Variants in SPIDR observed in about 807,000 individuals in gnomAD.
The protein encoded by SPIDR is scaffold protein involved in DNA repair.
In SPIDR, 93 loss-of-function variants were observed where a neutral mutation model predicts 104.6. The ratio of observed to expected loss-of-function variants is 0.89; its 90% CI spans 0.75 to 1.06. The LOEUF is 1.06. Ranked by LOEUF, SPIDR falls within the 50% of genes least tolerant of loss-of-function variation. SPIDR has a pLI of 0.00. For missense variants in SPIDR, 1,154 were observed against 1,111.2 expected (o/e 1.04, Z -0.55); for synonymous variants, 431 against 416.9 (o/e 1.03, Z -0.41).
chr8:47,372,087 A>G (rs184676528), intron 5 of SPIDR, among the ~76,000 whole-genome samples: 1 of 151,940 alleles, frequency 6.6e-6, no homozygotes, highest in African/African-American at 2.4e-5. Context: ...TTCCCCATCA[A>G]CTTCCATGCC....
chr8:47,383,797 A>G (rs1554646785), intron 5 of SPIDR, among the ~76,000 whole-genome samples: 1 of 152,146 alleles, frequency 6.6e-6, no homozygotes, highest in Non-Finnish European at 1.5e-5. Context: ...AAAACTATAT[A>G]TTTGTGTTTT....
rs564413944 is a variant in SPIDR at position 47,554,464 on chromosome 8, C to T, written c.1098-41347C>T. Among the ~76,000 whole-genome samples the T allele has an allele frequency of 2.6e-5, 4 of 152,332 alleles. No homozygotes were observed. In the South Asian group the frequency reaches 6.2e-4, roughly 24 times the overall value. ...CCTCAGCAATGGCAGACGTCCCTCC[C>T]CCAGCCTCGCTGTCGCCTTGCAGTT... On this transcript the variant is annotated intron_variant, in intron 8 of 19. Coordinates refer to ENST00000297423, the MANE Select transcript of SPIDR (RefSeq NM_001080394.4).
chr8:47,702,038 C>A, intron 14 of SPIDR, 23 bp downstream of exon 14: 2 of 1,583,866 alleles, frequency 1.3e-6, no homozygotes, highest in Non-Finnish European at 1.7e-6. Context: ...CTCAATCTCT[C>A]AATCTCTCAG....
At chr8:47,563,844 T>G (rs1044849073) in intron 8 of SPIDR, among the ~76,000 whole-genome samples, 3 of 152,162 alleles carry the variant, frequency 2.0e-5, no homozygotes, top group Admixed American at 1.3e-4. Context: ...TGAATAATTT[T>G]TTAGTTGCTC....
At chr8:47,473,401 AG>A (rs2154358707) in intron 8 of SPIDR, among the ~76,000 whole-genome samples, 1 of 152,310 alleles carries the variant, frequency 6.6e-6, no homozygotes, top group African/African-American at 2.4e-5. Context: ...TCAAAATGAT[AG>A]GGGCTTATTG....
chr8:47,511,677 G>A, intron 8 of SPIDR: 1 of 861,708 alleles, frequency 1.2e-6, no homozygotes, highest in Non-Finnish European at 2.0e-6. Context: ...CTGCCCCAAG[G>A]CCATAGCCAT....
At chr8:47,328,243 A>C (rs782484786) in intron 5 of SPIDR, among the ~76,000 whole-genome samples, 36 of 151,548 alleles carry the variant, frequency 2.4e-4, no homozygotes, top group Admixed American at 7.2e-4. Context: ...GTATGGTGTG[A>C]GGCAGGTGGT....
intron 7 of SPIDR, among the ~76,000 whole-genome samples, chr8:47,426,619 G>C (rs192103820): frequency 3.4e-4 from 52 of 152,256 alleles, no homozygotes; most frequent in African/African-American, 1.2e-3. Context: ...GTCTTAGTCT[G>C]TTTTGTTTTG....
intron 1 of SPIDR, among the ~76,000 whole-genome samples, chr8:47,262,104 A>G (rs2032565629): frequency 6.6e-6 from 1 of 151,978 alleles, no homozygotes; most frequent in African/African-American, 2.4e-5. Context: ...CATGTTCCAT[A>G]TTTGCTTTGG....
intron 6 of SPIDR, among the ~76,000 whole-genome samples, chr8:47,407,123 T>A (rs1294495069): frequency 6.6e-6 from 1 of 152,246 alleles, no homozygotes; most frequent in Admixed American, 6.5e-5. Flanking sequence ...CATACACCTA[T>A]ATATTTATAA....
intron 5 of SPIDR, among the ~76,000 whole-genome samples, chr8:47,323,169 AAAT>A (rs1453982613): frequency 2.6e-5 from 4 of 152,152 alleles, no homozygotes; most frequent in Admixed American, 2.6e-4. Context: ...TGTCATAGCT[AAAT>A]AATAACAATT....
intron 8 of SPIDR, among the ~76,000 whole-genome samples, chr8:47,509,398 G>A (rs556099624): frequency 1.3e-5 from 2 of 152,292 alleles, no homozygotes; most frequent in African/African-American, 4.8e-5. Flanking sequence ...TTCTACATCT[G>A]TATTTTATCA....
chr8:47,294,680 G>C (rs2040519494), intron 5 of SPIDR, among the ~76,000 whole-genome samples: 1 of 152,144 alleles, frequency 6.6e-6, no homozygotes, highest in Non-Finnish European at 1.5e-5. Context: ...ACCCAGGCTA[G>C]AACGCAATGG....
chr8:47,453,633 G>T (rs987777146), intron 8 of SPIDR, among the ~76,000 whole-genome samples: 1 of 152,144 alleles, frequency 6.6e-6, no homozygotes, highest in Non-Finnish European at 1.5e-5. Context: ...AATAAATGGT[G>T]CTGGAAAAAC....
At chr8:47,518,321 A>G (rs890883477) in intron 8 of SPIDR, among the ~76,000 whole-genome samples, 3 of 152,224 alleles carry the variant, frequency 2.0e-5, no homozygotes. Flanking sequence ...CTGCTGCTCC[A>G]TTTAATTGGC....
At chr8:47,503,774 G>A (rs896372544) in intron 8 of SPIDR, among the ~76,000 whole-genome samples, 12 of 152,044 alleles carry the variant, frequency 7.9e-5, no homozygotes, top group Admixed American at 2.6e-4. Flanking sequence ...GGCTGGTACC[G>A]GTTGTTCCTT....
chr8:47,551,695 A>G (rs1350628587), intron 8 of SPIDR, among the ~76,000 whole-genome samples: 1 of 151,870 alleles, frequency 6.6e-6, no homozygotes, highest in East Asian at 1.9e-4. Context: ...CGGTCTATCA[A>G]TTTTGTCGAT....
intron 8 of SPIDR, among the ~76,000 whole-genome samples, chr8:47,489,575 A>G (rs2154365905): frequency 6.6e-6 from 1 of 152,330 alleles, no homozygotes; most frequent in Admixed American, 6.5e-5. Flanking sequence ...CAAAGCTGGA[A>G]GCATCACACT....
chr8:47,678,176 A>T lies in SPIDR; in HGVS notation c.1685+4235A>T, dbSNP rs2076672040. Among the ~76,000 whole-genome samples, 3 of 152,240 alleles carry T rather than the reference A, an allele frequency of 2.0e-5. No individual in the cohort carries two copies. The South Asian group carries it at 6.2e-4, about 32-fold the overall frequency. On this transcript the variant is annotated intron_variant, in intron 11 of 19. Coordinates refer to ENST00000297423, the MANE Select transcript of SPIDR (RefSeq NM_001080394.4). ...ATTTGGGGGATTTATCACAAACCAG[A>T]ATATACTGAGGTATAAAGTCTGCTA...
Sources: gnomAD v4.1 joint callset for allele counts (sites outside exome capture counted in the v4.1 genomes callset) on GRCh38, gnomAD v4.1.1 for gene constraint, MANE v1.5 for transcripts, NCBI Gene and HGNC (gene_info 2026-07-23, HGNC 2026-07-21) for gene names.